RNF138: variants seen among roughly 807,000 people sequenced by gnomAD.
RNF138 encodes E3 ubiquitin-protein ligase RNF138.
In RNF138, 12 loss-of-function variants were observed where a neutral mutation model predicts 31.0. The ratio of observed to expected loss-of-function variants is 0.39; its 90% confidence interval spans 0.25 to 0.63. The LOEUF is 0.63. Among genes scored for constraint, RNF138 ranks in the 20% least tolerant of loss-of-function variants. The probability of loss-of-function intolerance (pLI) is 0.52; values close to 1 mark genes in which losing one functional copy is unlikely to be tolerated. For synonymous variants in RNF138, 105 were observed against 99.5 expected, an observed-to-expected ratio of 1.06 and a Z score of -0.33; for missense variants, 192 against 300.1, an observed-to-expected ratio of 0.64 and a Z score of 2.66.
intron 2 of RNF138, among the ~76,000 whole-genome samples, chr18:32,097,976 GTTATT>G (rs1568224383): frequency 3.4e-5 from 1 of 29,678 alleles, no homozygotes; most frequent in Non-Finnish European, 7.7e-5. Context: ...GTGTGTGTGT[GTTATT>G]TTTGTTTGTT....
Position 32,131,025 on chromosome 18 carries a change from G to A in RNF138, c.*1838G>A, listed in dbSNP as rs182784194. ...GTTAAACCATTCTGGGATTTGCAAA[G>A]TTTAATACATCCAATATGTCAAGTT... On this transcript the variant is annotated 3_prime_UTR_variant, in exon 8 of 8. Transcript: ENST00000261593. 1 of 151,082 alleles carries A rather than the reference G, an allele frequency of 6.6e-6. No homozygotes were observed. Among genetic ancestry groups the A allele is most frequent in the Non-Finnish European group, 1.5e-5 (1 of 67,564 alleles). 9.4% of individuals were successfully genotyped at this position (151,082 alleles called of 1,614,324 possible).
intron 2 of RNF138, among the ~76,000 whole-genome samples, chr18:32,094,324 T>C (rs950612631): frequency 3.9e-5 from 6 of 152,300 alleles, no homozygotes; most frequent in African/African-American, 1.4e-4. Flanking sequence ...TCTCATTTTT[T>C]CCCCAATCTT....
chr18:32,101,747 CCAT>C (rs2039944087), intron 2 of RNF138, among the ~76,000 whole-genome samples: 1 of 152,024 alleles, frequency 6.6e-6, no homozygotes, highest in African/African-American at 2.4e-5. Flanking sequence ...TATTTGTAAT[CCAT>C]CATCTTTGCC....
intron 2 of RNF138, among the ~76,000 whole-genome samples, chr18:32,098,584 G>A (rs1189906028): frequency 6.6e-6 from 1 of 152,168 alleles, no homozygotes; most frequent in East Asian, 1.9e-4. Flanking sequence ...CGGGCGCAGT[G>A]GCTCACGCCT....
chr18:32,104,748 T>C (rs1159352341), intron 2 of RNF138, among the ~76,000 whole-genome samples: 5 of 152,176 alleles, frequency 3.3e-5, no homozygotes, highest in Non-Finnish European at 7.3e-5. Flanking sequence ...CAAAACTTTA[T>C]TGAAAAGTGT....
Position 32,120,062 on chromosome 18 carries a change from G to C in RNF138, c.393-3456G>C, listed in dbSNP as rs564313032. Among the ~76,000 whole-genome samples the C allele has an allele frequency of 3.3e-5, 5 of 152,132 alleles. No homozygotes were observed. In the South Asian group the frequency reaches 1.0e-3, roughly 32 times the overall value. ...AAACCTAATGTTCTATATAATACTT[G>C]ATTTATTGCATTGAATAGGTTTTCT... On this transcript the variant is annotated intron_variant, in intron 4 of 7. Transcript: ENST00000261593.
chr18:32,117,685 C>G (rs2040239452), intron 4 of RNF138, among the ~76,000 whole-genome samples: 1 of 152,152 alleles, frequency 6.6e-6, no homozygotes, highest in Admixed American at 6.5e-5. Context: ...CTAAAATAAT[C>G]TGTGTCACTT....
At chr18:32,104,538 TG>T (rs1262487684) in intron 2 of RNF138, among the ~76,000 whole-genome samples, 1 of 152,136 alleles carries the variant, frequency 6.6e-6, no homozygotes, top group Non-Finnish European at 1.5e-5. Context: ...TGTCATAATT[TG>T]TCGATTAAAA....
chr18:32,094,298 T>C (rs2039766089), intron 2 of RNF138, among the ~76,000 whole-genome samples: 2 of 152,166 alleles, frequency 1.3e-5, no homozygotes, highest in African/African-American at 4.8e-5. Flanking sequence ...GTGGCTGTTT[T>C]CTTGATACCA....
At chr18:32,110,546 T>C (rs893164393) in intron 2 of RNF138, among the ~76,000 whole-genome samples, 2 of 152,078 alleles carry the variant, frequency 1.3e-5, no homozygotes, top group African/African-American at 2.4e-5. Flanking sequence ...ACTCAGGTTA[T>C]GTGATCTGTT....
chr18:32,100,468 CTTT>C (rs754111567), intron 2 of RNF138, among the ~76,000 whole-genome samples: 1 of 69,872 alleles, frequency 1.4e-5, no homozygotes, highest in South Asian at 6.4e-4. Context: ...ACCCAACTAA[CTTT>C]TTTTTTTTTT....
At position 32,107,121 on chromosome 18, in the gene RNF138, T is replaced by TC. The variant is rs1467221217; in HGVS notation, c.111-4633_111-4632insC. Among the ~76,000 whole-genome samples, 5 of 135,406 alleles carry TC rather than the reference T, an allele frequency of 3.7e-5. No individual in the cohort carries two copies. In the East Asian group the frequency reaches 6.1e-4, roughly 17 times the overall value. 88.8% of individuals were successfully genotyped at this position (135,406 alleles called of 152,430 possible). A position where few individuals can be genotyped will look rare whatever the true frequency, so the allele number is the denominator to read the frequency against. On this transcript the variant is annotated intron_variant, in intron 2 of 7. Coordinates refer to ENST00000261593, the MANE Select transcript of RNF138 (RefSeq NM_016271.5). ...AAATTCACTTTCCTTTTTTCCTTTTTTTTTTTTTTTTTTTTTGGAGACGGA... is the reference window on the plus strand; with the variant it reads ...AAATTCACTTTCCTTTTTTCCTTTTTCTTTTTTTTTTTTTTTTGGAGACGGA...
chr18:32,113,208 A>G (rs77865261), intron 3 of RNF138, among the ~76,000 whole-genome samples: 4,389 of 152,046 alleles, frequency 0.029, 221 homozygotes, highest in African/African-American at 0.1. Context: ...CAGGTAGCTG[A>G]GATTACACCT....
chr18:32,109,259 TC>T (rs2144591712), intron 2 of RNF138, among the ~76,000 whole-genome samples: 1 of 151,784 alleles, frequency 6.6e-6, no homozygotes, highest in East Asian at 2.0e-4. Context: ...GCTCAAGTGA[TC>T]CTCTCACCTC....
chr18:32,095,712 T>A (rs2039792267), intron 2 of RNF138, among the ~76,000 whole-genome samples: 3 of 152,234 alleles, frequency 2.0e-5, no homozygotes, highest in Admixed American at 2.0e-4. Flanking sequence ...AGGAGCAAGT[T>A]CATTATCATT....
chr18:32,093,233 G>T (rs957261576), intron 2 of RNF138, among the ~76,000 whole-genome samples: 3 of 152,170 alleles, frequency 2.0e-5, no homozygotes, highest in African/African-American at 7.2e-5. Context: ...TCTCCGCCAG[G>T]CCCGGGAGGA....
intron 2 of RNF138, among the ~76,000 whole-genome samples, chr18:32,093,236 C>G (rs2039740394): frequency 6.6e-6 from 1 of 152,160 alleles, no homozygotes; most frequent in Admixed American, 6.5e-5. Context: ...CCGCCAGGCC[C>G]GGGAGGAATT....
chr18:32,093,024 G>T, intron 2 of RNF138, 138 bp downstream of exon 2: 1 of 478,160 alleles, frequency 2.1e-6, no homozygotes, highest in Non-Finnish European at 3.6e-6. Flanking sequence ...GCGAGGTCCC[G>T]TTCCCCGCCC....
chr18:32,128,547 C>G (rs1470553019), intron 7 of RNF138, among the ~76,000 whole-genome samples: 2 of 152,190 alleles, frequency 1.3e-5, no homozygotes, highest in African/African-American at 4.8e-5. Flanking sequence ...CAAAAAATTT[C>G]TTACTCAACT....
Sources: allele counts gnomAD v4.1 joint callset (sites outside exome capture counted in the v4.1 genomes callset), GRCh38; gene constraint gnomAD v4.1.1; transcripts MANE v1.5; gene names NCBI Gene and HGNC (gene_info 2026-07-23, HGNC 2026-07-21).